The following ARVCF variants were observed in gnomAD, a reference collection of about 807,000 sequenced individuals.
ARVCF encodes splicing regulator ARVCF.
ARVCF carries 66 observed loss-of-function variants against 90.9 expected under a neutral mutation model. The ratio of observed to expected loss-of-function variants is 0.73; its 90% CI spans 0.60 to 0.89. The LOEUF (loss-of-function observed/expected upper bound fraction) is 0.89. Ranked by LOEUF, ARVCF falls within the 40% of genes least tolerant of loss-of-function variation. The pLI, the probability that ARVCF is intolerant of heterozygous loss-of-function variation, is 0.00. For synonymous variants in ARVCF, 653 were observed against 603.4 expected (o/e 1.08, Z -1.21); for missense variants, 1,469 against 1,382.3 (o/e 1.06, Z -1.00).
At position 19,970,684 on chromosome 22, in the gene ARVCF, G is replaced by A. The variant is rs1304712218; in HGVS notation, c.*72C>T. The A allele has an allele frequency of 2.3e-6, 3 of 1,287,568 alleles. No homozygotes were observed. Among genetic ancestry groups the A allele is most frequent in the Admixed American group, 2.3e-5 (1 of 43,338 alleles). The allele number at this position is 1,287,568 out of a possible 1,614,324, so 79.8% of individuals were successfully genotyped here. On this transcript the variant is annotated 3_prime_UTR_variant, in exon 20 of 20. Coordinates refer to ENST00000263207, the MANE Select transcript of ARVCF (RefSeq NM_001670.3). ...GGCTCCAAGCTCCACGGCACGATCT[G>A]CTCAGGGTGGCCCTTCTTCCACGAT... is the stretch of plus-strand genomic sequence containing the variant.
Position 19,979,019 on chromosome 22 carries a change from C to T in ARVCF, c.1458G>A (p.Leu486=). ...CGATCACCTCGTGGGTCAGCGTCTG[C>T]AGGCCATGGTCAATGATGACCATCT... ...PLKMVIIDHG[L]QTLTHEVIVP... The change falls in exon 7 of 20, where the codon CTG becomes CTA. Residue 486 remains leucine (L), a synonymous_variant. Transcript: ENST00000263207. 6.2e-7 allele frequency: 1 copy of T among 1,613,460 alleles called. No individual in the cohort carries two copies. The highest frequency in any genetic ancestry group is 8.5e-7 in the Non-Finnish European group (1 of 1,179,966).
rs768175303 is a variant in ARVCF, at chr22:19,971,228, C to A, written c.2889G>T (p.Ter963TyrextTer13). The A allele has an allele frequency of 8.4e-6, 13 of 1,553,406 alleles. No individual in the cohort carries two copies. The highest frequency in any genetic ancestry group is 1.1e-5 in the Non-Finnish European group (13 of 1,147,800). ...AKPQPVDSWV[*>Y] ...TGAGAGAACGTACCAGGCATGCAAGCTAGACCCAGGAATCAACGGGCTGAG... is the reference window on the plus strand; with the variant it reads ...TGAGAGAACGTACCAGGCATGCAAGATAGACCCAGGAATCAACGGGCTGAG... The change falls in exon 19 of 20, where the codon TAG (stop) becomes TAT (tyrosine). Residue 963 changes from the stop codon to tyrosine, a stop_lost. Transcript: ENST00000263207.
intron 10 of ARVCF, among the ~76,000 whole-genome samples, chr22:19,976,257 G>A (rs1262300428): frequency 6.6e-6 from 1 of 152,154 alleles, no homozygotes; most frequent in Non-Finnish European, 1.5e-5. Context: ...TAACATTTGT[G>A]TAGCCCTGGC....
chr22:19,971,655 C>G, intron 18 of ARVCF, among the ~76,000 whole-genome samples: 1 of 152,214 alleles, frequency 6.6e-6, no homozygotes, highest in East Asian at 1.9e-4. Context: ...CTCACAGGCT[C>G]TGGCCCATGC....
At chr22:19,983,420 G>A (rs931367927) in intron 3 of ARVCF, among the ~76,000 whole-genome samples, 1 of 152,252 alleles carries the variant, frequency 6.6e-6, no homozygotes, top group East Asian at 1.9e-4. Context: ...GCCTGCCAAG[G>A]CTCGTGGGCT....
Position 19,970,594 on chromosome 22 carries a change from G to GGGGGGGGGGGGGGC in ARVCF, c.*161_*162insGCCCCCCCCCCCCC. On this transcript the variant is annotated 3_prime_UTR_variant, in exon 20 of 20. Transcript: ENST00000263207. The stretch of plus-strand genomic sequence containing the variant: ...AGGATGGGGGGAGTGGGGTGGGGGG[G>GGGGGGGGGGGGGGC]CAGGAGGGTGTCCCCAAAGTCAGGC... 1 of 525,224 alleles carries GGGGGGGGGGGGGGC rather than the reference G, an allele frequency of 1.9e-6. No homozygotes were observed. The highest frequency in any genetic ancestry group is 3.2e-6 in the Non-Finnish European group (1 of 317,084). The allele number at this position is 525,224 out of a possible 1,614,324, so 32.5% of individuals were successfully genotyped here. A position where few individuals can be genotyped will look rare whatever the true frequency, so the allele number is the denominator to read the frequency against.
chr22:20,013,287 C>A (rs147349046), intron 1 of ARVCF, among the ~76,000 whole-genome samples: 1 of 152,206 alleles, frequency 6.6e-6, no homozygotes, highest in East Asian at 1.9e-4. Context: ...GCTTGGGAGG[C>A]CCCTGGGCAC....
chr22:19,969,878 G>A (rs931008188), downstream of ARVCF: 3 of 985,352 alleles, frequency 3.0e-6, no homozygotes, highest in Middle Eastern at 5.2e-4. Context: ...CCAGACCTGA[G>A]TGGCAGAAAG....
At chr22:19,984,928 G>C (rs1041791359) in intron 3 of ARVCF, among the ~76,000 whole-genome samples, 26 of 152,306 alleles carry the variant, frequency 1.7e-4, no homozygotes, top group Admixed American at 2.0e-4. Context: ...TGGTGGCTCA[G>C]CTCTCTGCAA....
rs1024565440 is a variant in ARVCF, at chr22:19,979,458, G to A, written c.1396+285C>T. The stretch of plus-strand genomic sequence containing the variant: ...CGGTTGGGGTGGGAACCAAGGAGGT[G>A]GGTCCCAGGAGAGTTTCTGTGGGGG... On this transcript the variant is annotated intron_variant, in intron 6 of 19. Coordinates refer to ENST00000263207, the MANE Select transcript of ARVCF (RefSeq NM_001670.3). 5.4e-6 allele frequency: 3 copies of A among 555,578 alleles called. No homozygotes were observed. The African/African-American group carries it at 5.7e-5, about 10-fold the overall frequency. 34.4% of individuals were successfully genotyped at this position (555,578 alleles called of 1,614,324 possible).
intron 2 of ARVCF, among the ~76,000 whole-genome samples, chr22:19,996,286 T>G (rs1944247523): frequency 6.6e-6 from 1 of 151,638 alleles, no homozygotes; most frequent in East Asian, 1.9e-4. Flanking sequence ...AAGCGTGACT[T>G]TGTGAGAATG....
In ARVCF at chr22:19,973,515, G is replaced by A. The variant is rs762190315; in HGVS notation, c.2239+128C>T. On this transcript the variant is annotated intron_variant, in intron 13 of 19. Transcript: ENST00000263207. ...GGGGACTGGAGCTACCTCCAGTTGG[G>A]ACAGCGCCCAAGCGAGAGGGCCGGG... The A allele has an allele frequency of 6.2e-6, 9 of 1,456,824 alleles. 1 individual carries two copies. Among genetic ancestry groups the A allele is most frequent in the Middle Eastern group, 4.4e-4 (2 of 4,528 alleles). 90.2% of individuals were successfully genotyped at this position (1,456,824 alleles called of 1,614,324 possible).
intron 3 of ARVCF, among the ~76,000 whole-genome samples, chr22:19,983,438 C>T (rs1008379053): frequency 6.6e-6 from 1 of 152,222 alleles, no homozygotes; most frequent in African/African-American, 2.4e-5. Context: ...GCTGGGAAGC[C>T]TCCCCAGGTC....
chr22:19,973,137 A>G lies in ARVCF; in HGVS notation c.2420T>C (p.Val807Ala), dbSNP rs1216270448. ...TCCACACCTGGAGGCCACGAGAGCC[A>G]CCAACGCTGGCACCCCGCGTGCCTG... ...LLQARGVPAL[V>A]ALVASSQSVR... The change falls in exon 14 of 20, where the codon GTG becomes GCG. Residue 807 changes from valine to alanine, a missense_variant. Transcript: ENST00000263207. The G allele has an allele frequency of 2.1e-6, 3 of 1,455,874 alleles. No homozygotes were observed. The South Asian group carries it at 3.4e-5, about 16-fold the overall frequency. 90.2% of individuals were successfully genotyped at this position (1,455,874 alleles called of 1,614,324 possible). A position where few individuals can be genotyped will look rare whatever the true frequency, so the allele number is the denominator to read the frequency against.
chr22:19,990,633 C>A lies in ARVCF; in HGVS notation c.162G>T (p.Met54Ile), dbSNP rs1409808580. ...AQQPGMVSGGMGSGQPLPMAW... is the reference protein window; with the variant it reads ...AQQPGMVSGGIGSGQPLPMAW... The stretch of plus-strand genomic sequence containing the variant: ...CCATTGGCAGGGGCTGCCCACTGCC[C>A]ATGCCACCACTGACCATGCCAGGCT... Residue 54 changes from methionine (M) to isoleucine (I), a missense_variant, in exon 3 of 20, where the codon ATG becomes ATT. Physicochemically the swap from Met to Ile is conservative, Grantham distance 10. Transcript: ENST00000263207. 2 of 1,609,892 alleles carry A rather than the reference C, an allele frequency of 1.2e-6. No homozygotes were observed. The highest frequency in any genetic ancestry group is 1.1e-5 in the South Asian group (1 of 90,318).
intron 3 of ARVCF, among the ~76,000 whole-genome samples, chr22:19,989,892 C>A (rs1943962176): frequency 6.6e-6 from 1 of 152,174 alleles, no homozygotes; most frequent in African/African-American, 2.4e-5. Context: ...CAGTCAGTAA[C>A]AGGAACCATG....
Position 19,981,151 on chromosome 22 carries a change from T to TG in ARVCF, c.896+59dup, listed in dbSNP as rs1943469328. The TG allele has an allele frequency of 1.6e-5, 24 of 1,458,530 alleles. No individual in the cohort carries two copies. The East Asian group carries it at 5.0e-4, about 30-fold the overall frequency. 90.3% of individuals were successfully genotyped at this position (1,458,530 alleles called of 1,614,324 possible). ...CTTGACAAGTGGGGCACTCTGTAGTTGGGGGGTGGAGGGCAGACTTCCCAG... is the reference window on the plus strand; with the variant it reads ...CTTGACAAGTGGGGCACTCTGTAGTTGGGGGGGTGGAGGGCAGACTTCCCAG... On this transcript the variant is annotated intron_variant, in intron 5 of 19. Coordinates refer to ENST00000263207, the MANE Select transcript of ARVCF (RefSeq NM_001670.3).
intron 1 of ARVCF, among the ~76,000 whole-genome samples, chr22:20,012,430 C>T (rs1031331915): frequency 3.3e-5 from 5 of 152,310 alleles, no homozygotes; most frequent in South Asian, 2.1e-4. Flanking sequence ...GACAGAGGGA[C>T]GACAGACAGG....
At chr22:19,987,985 C>G (rs1007608337) in intron 3 of ARVCF, among the ~76,000 whole-genome samples, 3 of 152,158 alleles carry the variant, frequency 2.0e-5, no homozygotes, top group South Asian at 2.1e-4. Context: ...CCACAAAGGC[C>G]AAGCCAATGG....
Sources: allele counts gnomAD v4.1 joint callset (sites outside exome capture counted in the v4.1 genomes callset), GRCh38; gene constraint gnomAD v4.1.1; transcripts MANE v1.5; gene names NCBI Gene and HGNC (gene_info 2026-07-23, HGNC 2026-07-21).